The following PAN3 variants were observed in gnomAD, a reference collection of about 807,000 sequenced individuals.
The protein encoded by PAN3 is poly(A) specific ribonuclease subunit PAN3.
Under a neutral mutation model 96.2 loss-of-function variants are expected in PAN3, and 19 were observed. The observed-to-expected ratio is 0.20, with a 90% CI of 0.14 to 0.29. PAN3 has a LOEUF of 0.29. PAN3 is among the 10% of genes least tolerant of loss of function. The pLI, the probability that PAN3 is intolerant of heterozygous loss-of-function variation, is 1.00. For synonymous variants in PAN3, 433 were observed against 406.6 expected, an observed-to-expected ratio of 1.06 and a Z score of -0.78; for missense variants, 882 against 1,108.1, an observed-to-expected ratio of 0.80 and a Z score of 2.90.
chr13:28,171,932 A>G (rs955400523), intron 1 of PAN3, among the ~76,000 whole-genome samples: 1 of 151,880 alleles, frequency 6.6e-6, no homozygotes, highest in Admixed American at 6.6e-5. Context: ...AACAAACGCT[A>G]CTCCTATCAC....
At chr13:28,179,598 C>T (rs773778249) in intron 4 of PAN3, among the ~76,000 whole-genome samples, 2 of 151,524 alleles carry the variant, frequency 1.3e-5, no homozygotes, top group Non-Finnish European at 1.5e-5. Context: ...CACCTGCAGT[C>T]GCAGCTGAGG....
At chr13:28,265,393 G>T (rs189852784) in intron 9 of PAN3, among the ~76,000 whole-genome samples, 144 of 152,286 alleles carry the variant, frequency 9.5e-4, no homozygotes, top group African/African-American at 3.3e-3. Flanking sequence ...AGTAGAACAT[G>T]CCACTTGGTG....
At chr13:28,214,878 G>A (rs1880535311) in intron 5 of PAN3, 4 of 819,588 alleles carry the variant, frequency 4.9e-6, no homozygotes, top group African/African-American at 1.7e-5. Flanking sequence ...TGGTGTTGGT[G>A]AAATTGAAGC....
intron 6 of PAN3, among the ~76,000 whole-genome samples, chr13:28,243,997 T>G (rs1028347806): frequency 7.2e-5 from 11 of 152,212 alleles, no homozygotes; most frequent in Non-Finnish European, 1.5e-4. Context: ...AGTTCTTTTT[T>G]TAAAACATAA....
intron 6 of PAN3, among the ~76,000 whole-genome samples, chr13:28,245,535 A>G (rs1884098212): frequency 6.6e-6 from 1 of 152,136 alleles, no homozygotes. Flanking sequence ...TATAATTCAC[A>G]TACCATAAAA....
intron 5 of PAN3, among the ~76,000 whole-genome samples, chr13:28,206,648 C>T (rs1029378696): frequency 6.6e-6 from 1 of 151,996 alleles, no homozygotes; most frequent in African/African-American, 2.4e-5. Context: ...AACGGCATTC[C>T]TCTTACTTGC....
intron 5 of PAN3, among the ~76,000 whole-genome samples, chr13:28,216,465 T>C (rs771081595): frequency 6.6e-6 from 1 of 152,182 alleles, no homozygotes; most frequent in Admixed American, 6.6e-5. Context: ...AAGTTTTAAG[T>C]ATGTGCAGTG....
intron 6 of PAN3, among the ~76,000 whole-genome samples, chr13:28,229,250 G>C (rs1483211875): frequency 6.6e-6 from 1 of 152,136 alleles, no homozygotes; most frequent in Non-Finnish European, 1.5e-5. Context: ...CTTTTGTAAT[G>C]ACTTTAAAAA....
chr13:28,260,959 TTTTTG>T (rs1885670422), intron 8 of PAN3, among the ~76,000 whole-genome samples: 1 of 152,202 alleles, frequency 6.6e-6, no homozygotes, highest in African/African-American at 2.4e-5. Context: ...TTTAAAAGTT[TTTTTG>T]TTTTGTTTAA....
In PAN3 at chr13:28,138,626, G is replaced by A. The variant is rs1338711377; in HGVS notation, c.-32G>A. 7.8e-6 allele frequency: 4 copies of A among 515,762 alleles called. No individual in the cohort carries two copies. The South Asian group carries it at 1.5e-4, about 19-fold the overall frequency. 31.9% of individuals were successfully genotyped at this position (515,762 alleles called of 1,614,324 possible). A position where few individuals can be genotyped will look rare whatever the true frequency, so the allele number is the denominator to read the frequency against. On this transcript the variant is annotated 5_prime_UTR_variant, in exon 1 of 19. Transcript: ENST00000380958. ...GGTGGTGGCGGCGGCGGCTCCTCGGGCGGCGGCGGAAGACGAGGCTGCGGC... is the reference window on the plus strand; with the variant it reads ...GGTGGTGGCGGCGGCGGCTCCTCGGACGGCGGCGGAAGACGAGGCTGCGGC...
At chr13:28,165,990 G>A (rs1455780219) in intron 1 of PAN3, among the ~76,000 whole-genome samples, 1 of 152,110 alleles carries the variant, frequency 6.6e-6, no homozygotes, top group African/African-American at 2.4e-5. Context: ...TTTTGCAGGG[G>A]GTCGGGGGGA....
intron 1 of PAN3, among the ~76,000 whole-genome samples, chr13:28,168,771 C>T (rs974757324): frequency 2.8e-4 from 42 of 151,688 alleles, no homozygotes; most frequent in Non-Finnish European, 1.9e-4. Flanking sequence ...GTAATCCCAC[C>T]ACTTTGGGAG....
chr13:28,181,640 C>T (rs1593423609), intron 4 of PAN3, among the ~76,000 whole-genome samples: 1 of 151,962 alleles, frequency 6.6e-6, no homozygotes, highest in East Asian at 1.9e-4. Context: ...GAATGTATGC[C>T]TTAGGGCAGT....
At chr13:28,152,498 C>T (rs868258148) in intron 1 of PAN3, among the ~76,000 whole-genome samples, 3 of 151,916 alleles carry the variant, frequency 2.0e-5, no homozygotes, top group African/African-American at 7.3e-5. Context: ...GCAAGAGAAT[C>T]GCTTGAACCC....
At chr13:28,198,502 C>A (rs1878337574) in intron 5 of PAN3, among the ~76,000 whole-genome samples, 1 of 152,056 alleles carries the variant, frequency 6.6e-6, no homozygotes, top group South Asian at 2.1e-4. Context: ...TTTGACTGTA[C>A]CTTTTTTGTC....
intron 5 of PAN3, among the ~76,000 whole-genome samples, chr13:28,209,540 A>G (rs904105323): frequency 4.6e-5 from 7 of 152,194 alleles, no homozygotes; most frequent in African/African-American, 7.2e-5. Flanking sequence ...ATACATTATG[A>G]TATGTTCCAC....
intron 1 of PAN3, among the ~76,000 whole-genome samples, chr13:28,173,908 G>GCTT (rs1285864249): frequency 6.6e-6 from 1 of 152,150 alleles, no homozygotes; most frequent in African/African-American, 2.4e-5. Context: ...TGAGAAAATT[G>GCTT]CTTCTGTTTA....
At chr13:28,206,071 C>T (rs1226696246) in intron 5 of PAN3, among the ~76,000 whole-genome samples, 1 of 152,018 alleles carries the variant, frequency 6.6e-6, no homozygotes, top group Non-Finnish European at 1.5e-5. Flanking sequence ...ATCCTCTTAA[C>T]TTATAAGCAT....
At chr13:28,218,506 CGT>C (rs1206690593) in intron 5 of PAN3, among the ~76,000 whole-genome samples, 10 of 152,020 alleles carry the variant, frequency 6.6e-5, no homozygotes, top group African/African-American at 2.4e-4. Flanking sequence ...TTTTGGCATC[CGT>C]GGTTATTGAA....
Sources: gnomAD v4.1 joint callset for allele counts (sites outside exome capture counted in the v4.1 genomes callset) on GRCh38, gnomAD v4.1.1 for gene constraint, MANE v1.5 for transcripts, NCBI Gene and HGNC (gene_info 2026-07-23, HGNC 2026-07-21) for gene names.